The following SH3KBP1 variants were observed in gnomAD, a reference collection of about 807,000 sequenced individuals.
The protein encoded by SH3KBP1 is SH3 domain-containing kinase-binding protein 1.
A neutral mutation model predicts 50.1 loss-of-function variants in SH3KBP1; 8 were observed. The observed-to-expected ratio is 0.16, with a 90% CI of 0.09 to 0.29. The LOEUF is 0.29. Among genes scored for constraint, SH3KBP1 ranks in the 10% least tolerant of loss-of-function variants. The pLI is 1.00. For synonymous variants in SH3KBP1, 227 were observed against 218.6 expected, an observed-to-expected ratio of 1.04 and a Z score of -0.34; for missense variants, 377 against 535.2, an observed-to-expected ratio of 0.70 and a Z score of 2.92.
chrX:19,591,861 C>T (rs1165206093), intron 11 of SH3KBP1, among the ~76,000 whole-genome samples: 1 of 112,373 alleles, frequency 8.9e-6, no homozygotes, highest in Non-Finnish European at 1.9e-5. Context: ...TATTTTTCAT[C>T]TGATGAGAAA....
At chrX:19,644,993 G>C (rs1166458479) in intron 7 of SH3KBP1, among the ~76,000 whole-genome samples, 1 of 111,585 alleles carries the variant, frequency 9.0e-6, no homozygotes, top group Admixed American at 9.5e-5. Flanking sequence ...GGAAGTCAAG[G>C]GTAAGTAAAA....
chrX:19,825,106 G>T (rs1287937339), intron 2 of SH3KBP1, among the ~76,000 whole-genome samples: 1 of 111,960 alleles, frequency 8.9e-6, no homozygotes, highest in Non-Finnish European at 1.9e-5. Flanking sequence ...AGAAAAGACA[G>T]TCAAACTCCT....
intron 8 of SH3KBP1, among the ~76,000 whole-genome samples, chrX:19,619,144 C>T (rs4825307): frequency 0.15 from 16,885 of 110,437 alleles, 1,047 homozygotes; most frequent in African/African-American, 0.18. Flanking sequence ...GATGTGGTAG[C>T]GGGCACCTGT....
intron 2 of SH3KBP1, among the ~76,000 whole-genome samples, chrX:19,780,797 A>T (rs949458866): frequency 9.0e-6 from 1 of 110,863 alleles, no homozygotes; most frequent in African/African-American, 3.3e-5. Flanking sequence ...TGTTCCATTG[A>T]TCTATATCTC....
rs932184348 is a variant in SH3KBP1 at position 19,535,354 on chromosome X, A to T, written c.*1063T>A. ...ACATTATGTGAATACAGTTTAAACG[A>T]TAACACACACGGGTAACCCAGTGCA... On this transcript the variant is annotated 3_prime_UTR_variant, in exon 18 of 18. Transcript: ENST00000397821. 25 of 165,190 alleles carry T rather than the reference A, an allele frequency of 1.5e-4. No individual in the cohort carries two copies. The highest frequency in any genetic ancestry group is 2.6e-4 in the Non-Finnish European group (23 of 87,583). 13.6% of individuals were successfully genotyped at this position (165,190 alleles called of 1,213,427 possible).
At chrX:19,704,843 A>C (rs957057310) in intron 4 of SH3KBP1, among the ~76,000 whole-genome samples, 1 of 112,486 alleles carries the variant, frequency 8.9e-6, no homozygotes, top group Non-Finnish European at 1.9e-5. Flanking sequence ...TGGAAAATAC[A>C]ACTTAATTCT....
chrX:19,607,971 C>T lies in SH3KBP1; in HGVS notation c.972G>A (p.Lys324=), dbSNP rs2067290330. 6 of 1,211,400 alleles carry T rather than the reference C, an allele frequency of 5.0e-6. No homozygotes were observed. The highest frequency in any genetic ancestry group is 6.7e-6 in the Non-Finnish European group (6 of 895,081). Residue 324 remains lysine, a synonymous_variant, in exon 9 of 18, where the codon AAG becomes AAA. Coordinates refer to ENST00000397821, the MANE Select transcript of SH3KBP1 (RefSeq NM_031892.3). ...RRGVFPDNFV[K]LLPPDFEKEG... ...CCTTTTCAAAGTCCGGTGGAAGTAA[C>T]TTCACGAAGTTATCGGGGAACACGC...
At chrX:19,682,333 T>TACATACAC (rs758225602) in intron 6 of SH3KBP1, among the ~76,000 whole-genome samples, 1 of 75,919 alleles carries the variant, frequency 1.3e-5, no homozygotes, top group African/African-American at 4.8e-5. Context: ...ATAAGAGTCA[T>TACATACAC]ACACACACAC....
chrX:19,789,193 T>C (rs2147164367), intron 2 of SH3KBP1, among the ~76,000 whole-genome samples: 1 of 110,582 alleles, frequency 9.0e-6, no homozygotes, highest in Admixed American at 9.6e-5. Context: ...GTCAGAAAAC[T>C]TGGGTGAGGG....
chrX:19,584,515 T>G (rs1483802095), intron 12 of SH3KBP1, among the ~76,000 whole-genome samples: 1 of 107,793 alleles, frequency 9.3e-6, no homozygotes, highest in Non-Finnish European at 1.9e-5. Context: ...AATTTTTTTG[T>G]AGAGATGTGG....
chrX:19,552,582 T>C (rs1201263990), intron 13 of SH3KBP1, among the ~76,000 whole-genome samples: 2 of 110,632 alleles, frequency 1.8e-5, no homozygotes. Flanking sequence ...ACCTATATTA[T>C]GGCTCTGTCC....
chrX:19,554,073 C>T (rs189288897), intron 13 of SH3KBP1, among the ~76,000 whole-genome samples: 1,980 of 46,289 alleles, frequency 0.043, 125 homozygotes, highest in Non-Finnish European at 0.056. Context: ...TATTAAAATA[C>T]ATTATATATA....
At chrX:19,589,326 G>C (rs73457660) in intron 11 of SH3KBP1, among the ~76,000 whole-genome samples, 1,634 of 111,912 alleles carry the variant, frequency 0.015, 27 homozygotes, top group African/African-American at 0.05. Flanking sequence ...GAGGGCTGAG[G>C]GGTTTGGTCA....
intron 2 of SH3KBP1, among the ~76,000 whole-genome samples, chrX:19,832,855 G>T (rs1314688804): frequency 8.9e-6 from 1 of 111,922 alleles, no homozygotes; most frequent in Non-Finnish European, 1.9e-5. Context: ...CGAGCAGGGG[G>T]AGGGTCAGGT....
intron 6 of SH3KBP1, among the ~76,000 whole-genome samples, chrX:19,676,889 G>C (rs1714911538): frequency 8.9e-6 from 1 of 112,239 alleles, no homozygotes; most frequent in South Asian, 3.6e-4. Flanking sequence ...CTTGTAGAAA[G>C]TGTAGACAGA....
intron 13 of SH3KBP1, among the ~76,000 whole-genome samples, chrX:19,567,466 C>T (rs1433365004): frequency 3.7e-5 from 3 of 80,066 alleles, no homozygotes; most frequent in African/African-American, 1.5e-4. Flanking sequence ...TTGCAGTGAG[C>T]CGAGATCGTA....
At chrX:19,562,081 GCTC>G (rs1458863759) in intron 13 of SH3KBP1, among the ~76,000 whole-genome samples, 3 of 111,156 alleles carry the variant, frequency 2.7e-5, no homozygotes, top group Non-Finnish European at 3.8e-5. Flanking sequence ...AACTTTACAG[GCTC>G]CTAACCTTGG....
At chrX:19,694,256 C>T (rs1195707372) in intron 5 of SH3KBP1, among the ~76,000 whole-genome samples, 1 of 112,025 alleles carries the variant, frequency 8.9e-6, no homozygotes, top group Non-Finnish European at 1.9e-5. Flanking sequence ...GATCTAATTA[C>T]CAGGTACAAT....
At chrX:19,552,813 T>C (rs1289335594) in intron 13 of SH3KBP1, among the ~76,000 whole-genome samples, 1 of 109,820 alleles carries the variant, frequency 9.1e-6, no homozygotes, top group East Asian at 2.9e-4. Context: ...GATGTGAACA[T>C]GCGGCAAAAG....
Sources: allele counts gnomAD v4.1 joint callset (sites outside exome capture counted in the v4.1 genomes callset), GRCh38; gene constraint gnomAD v4.1.1; transcripts MANE v1.5; gene names NCBI Gene and HGNC (gene_info 2026-07-23, HGNC 2026-07-21).